The following SLC22A23 variants were observed in gnomAD, a reference collection of about 807,000 sequenced individuals.
SLC22A23 encodes the protein ion transporter protein.
Under a neutral mutation model 61.0 loss-of-function variants are expected in SLC22A23, and 26 were observed. The ratio of observed to expected loss-of-function variants is 0.43; its 90% CI spans 0.31 to 0.59. The LOEUF is 0.59. SLC22A23 is among the 20% of genes least tolerant of loss of function. SLC22A23 has a pLI of 0.11. For synonymous variants in SLC22A23, 430 were observed against 413.9 expected (o/e 1.04, Z -0.47); for missense variants, 796 against 934.7 (o/e 0.85, Z 1.94).
chr6:3,389,547 G>C (rs1767532938), intron 3 of SLC22A23, among the ~76,000 whole-genome samples: 1 of 152,212 alleles, frequency 6.6e-6, no homozygotes, highest in Non-Finnish European at 1.5e-5. Flanking sequence ...GCGAGGAACA[G>C]AGACAATGTC....
intron 2 of SLC22A23, among the ~76,000 whole-genome samples, chr6:3,413,889 C>T (rs533327324): frequency 6.6e-6 from 1 of 152,344 alleles, no homozygotes. Flanking sequence ...ACCACTCAGG[C>T]AGCCTGCCCC....
At chr6:3,416,532 A>T (rs192745369) in intron 1 of SLC22A23, among the ~76,000 whole-genome samples, 15 of 152,400 alleles carry the variant, frequency 9.8e-5, no homozygotes, top group Admixed American at 9.1e-4. Flanking sequence ...GTTTAATAAG[A>T]AAAATACAAA....
intron 1 of SLC22A23, among the ~76,000 whole-genome samples, chr6:3,437,981 C>T (rs1439302221): frequency 6.6e-6 from 1 of 152,054 alleles, no homozygotes; most frequent in Non-Finnish European, 1.5e-5. Context: ...CCCAGACAGG[C>T]TCCTGTGGGA....
At chr6:3,375,284 G>A (rs3734217) in intron 3 of SLC22A23, among the ~76,000 whole-genome samples, 20,835 of 152,112 alleles carry the variant, frequency 0.14, 1,950 homozygotes, top group African/African-American at 0.27. Context: ...CAGATTCAAA[G>A]CAAACCACCT....
At chr6:3,439,276 T>C (rs9503595) in intron 1 of SLC22A23, 336,139 of 441,910 alleles carry the variant, frequency 0.76, 129,062 homozygotes, top group African/African-American at 0.83. Flanking sequence ...TGCCGAATGT[T>C]CTCTGGGAGC....
chr6:3,392,161 T>C lies in SLC22A23; in HGVS notation c.913+18027A>G, dbSNP rs555630679. On this transcript the variant is annotated intron_variant, in intron 3 of 9. Coordinates refer to ENST00000406686, the MANE Select transcript of SLC22A23 (RefSeq NM_015482.2). ...TTGCAATTGGGTGTGGATAGGTTGC[T>C]GAGATCTGGCCAATGGGATGTGAAA... Among the ~76,000 whole-genome samples the C allele has an allele frequency of 9.8e-5, 15 of 152,310 alleles. No individual in the cohort carries two copies. In the South Asian group the frequency reaches 2.9e-3, roughly 29 times the overall value.
chr6:3,359,147 G>A (rs114201608), intron 3 of SLC22A23, among the ~76,000 whole-genome samples: 28 of 152,236 alleles, frequency 1.8e-4, no homozygotes, highest in African/African-American at 6.5e-4. Context: ...CAGAATCACA[G>A]ATCATTTCAA....
In SLC22A23 at chr6:3,271,324, G is replaced by A. The variant is rs1298281583; in HGVS notation, c.*1731C>T. ...GTATCTCAAGATCCCAGGTGTCGGC[G>A]TGGTCCAGCCACTGGAAACACGTGG... On this transcript the variant is annotated 3_prime_UTR_variant, in exon 10 of 10. Coordinates refer to ENST00000406686, the MANE Select transcript of SLC22A23 (RefSeq NM_015482.2). 6.6e-6 allele frequency: 1 copy of A among 152,326 alleles called. No individual in the cohort carries two copies. The highest frequency in any genetic ancestry group is 2.4e-5 in the African/African-American group (1 of 41,454). 9.4% of individuals were successfully genotyped at this position (152,326 alleles called of 1,614,324 possible). A position where few individuals can be genotyped will look rare whatever the true frequency, so the allele number is the denominator to read the frequency against.
At chr6:3,298,897 G>A (rs1351968264) in intron 4 of SLC22A23, among the ~76,000 whole-genome samples, 4 of 150,644 alleles carry the variant, frequency 2.7e-5, no homozygotes, top group Admixed American at 6.6e-5. Context: ...GTGTGAACCC[G>A]GGAAGCGGAG....
At position 3,456,203 on chromosome 6, in the gene SLC22A23, G is replaced by A. The variant is rs1255130607; in HGVS notation, c.357C>T (p.Phe119=). The part of the protein sequence containing the change: ...FIGFSQFSDS[F]LLDQPNFWCR... Reference sequence around the variant, plus strand: ...ACCAGAAGTTGGGCTGGTCCAGGAGGAACGAGTCCGAGAACTGGCTGAAGC... The same window carrying A: ...ACCAGAAGTTGGGCTGGTCCAGGAGAAACGAGTCCGAGAACTGGCTGAAGC... Residue 119 remains phenylalanine, a synonymous_variant, in exon 1 of 10, where the codon TTC becomes TTT. Transcript: ENST00000406686. This position sits in a 1 kb window ranked among gnomAD's most constrained non-coding sequence, Gnocchi z 7.1. 1.3e-6 allele frequency: 2 copies of A among 1,551,238 alleles called. No individual in the cohort carries two copies. The highest frequency in any genetic ancestry group is 1.7e-6 in the Non-Finnish European group (2 of 1,146,874).
intron 3 of SLC22A23, among the ~76,000 whole-genome samples, chr6:3,326,810 A>G (rs1441015216): frequency 6.6e-6 from 1 of 152,238 alleles, no homozygotes; most frequent in Non-Finnish European, 1.5e-5. Context: ...GTGGCTATAA[A>G]GATGTTTTTG....
At chr6:3,351,796 G>A (rs1006709714) in intron 3 of SLC22A23, among the ~76,000 whole-genome samples, 4 of 152,188 alleles carry the variant, frequency 2.6e-5, no homozygotes, top group Non-Finnish European at 5.9e-5. Flanking sequence ...CTTCATTCAG[G>A]ACTGAGCCAG....
intron 1 of SLC22A23, among the ~76,000 whole-genome samples, chr6:3,443,006 A>G (rs1264871451): frequency 6.6e-6 from 1 of 152,218 alleles, no homozygotes; most frequent in Non-Finnish European, 1.5e-5. Flanking sequence ...GCACACCTTG[A>G]GCTAACCAAA....
At chr6:3,441,472 C>G (rs528296748) in intron 1 of SLC22A23, among the ~76,000 whole-genome samples, 3 of 152,272 alleles carry the variant, frequency 2.0e-5, no homozygotes, top group South Asian at 2.1e-4. Context: ...CCTCTCTGCA[C>G]TCTGCACATG....
At chr6:3,370,353 C>A (rs1281591322) in intron 3 of SLC22A23, among the ~76,000 whole-genome samples, 1 of 152,278 alleles carries the variant, frequency 6.6e-6, no homozygotes, top group Non-Finnish European at 1.5e-5. Flanking sequence ...CTCACCGGGG[C>A]AGTGGGGGTG....
At chr6:3,284,414 C>T (rs1228209092) in intron 8 of SLC22A23, among the ~76,000 whole-genome samples, 2 of 152,196 alleles carry the variant, frequency 1.3e-5, no homozygotes, top group South Asian at 4.1e-4. Flanking sequence ...TTTATGGGCC[C>T]AGAAGGCAAG....
intron 1 of SLC22A23, among the ~76,000 whole-genome samples, chr6:3,437,691 A>AAAAT (rs1237881223): frequency 6.6e-6 from 1 of 151,588 alleles, no homozygotes; most frequent in Admixed American, 6.6e-5. Context: ...TCCGTCTCAA[A>AAAAT]AAATAAATAA....
At chr6:3,277,169 A>G (rs911757386) in intron 9 of SLC22A23, among the ~76,000 whole-genome samples, 1 of 152,142 alleles carries the variant, frequency 6.6e-6, no homozygotes, top group African/African-American at 2.4e-5. Flanking sequence ...CCAGAGCTGG[A>G]GAGGTTCAAG....
chr6:3,455,991 T>G lies in SLC22A23; in HGVS notation c.569A>C (p.Asp190Ala). 1.9e-6 allele frequency: 3 copies of G among 1,547,538 alleles called. No homozygotes were observed. The highest frequency in any genetic ancestry group is 2.6e-6 in the Non-Finnish European group (3 of 1,146,718). The change falls in exon 1 of 10, where the codon GAC becomes GCC. Residue 190 changes from aspartate (D) to alanine (A), a missense_variant. By Grantham distance (126) the Asp-to-Ala change is moderately radical (BLOSUM62 -2). Coordinates refer to ENST00000406686, the MANE Select transcript of SLC22A23 (RefSeq NM_015482.2). Reference protein sequence around the residue: ...GDTPPLPSPPDKGDNASNCDC... With the variant: ...GDTPPLPSPPAKGDNASNCDC... ...ACAGTTGGAGGCGTTGTCCCCCTTG[T>G]CCGGAGGGGATGGCAGGGGTGGTGT...
Sources: gnomAD v4.1 joint callset for allele counts (sites outside exome capture counted in the v4.1 genomes callset) on GRCh38, gnomAD v4.1.1 for gene constraint, Gnocchi (gnomAD v3.1) non-coding constraint, MANE v1.5 for transcripts, NCBI Gene and HGNC (gene_info 2026-07-23, HGNC 2026-07-21) for gene names.